Variants in COMMD10 observed in about 807,000 individuals in gnomAD.
The protein encoded by COMMD10 is COMM domain-containing protein 10.
COMMD10 carries 33 observed loss-of-function variants against 28.9 expected under a neutral mutation model. That is an observed-to-expected ratio of 1.14 (90% CI 0.87 to 1.53). COMMD10 has a LOEUF of 1.53. Among genes scored for constraint, COMMD10 ranks in the 40% most tolerant of loss-of-function variants. COMMD10 has a pLI of 0.00. For synonymous variants in COMMD10, 110 were observed against 81.7 expected, an observed-to-expected ratio of 1.35 and a Z score of -1.87; for missense variants, 310 against 233.4, an observed-to-expected ratio of 1.33 and a Z score of -2.14.
intron 4 of COMMD10, among the ~76,000 whole-genome samples, chr5:116,132,468 C>G (rs186271228): frequency 1.9e-3 from 283 of 152,240 alleles, no homozygotes; most frequent in South Asian, 0.011. Context: ...TATGCAGTGC[C>G]TAAGCATACA....
intron 5 of COMMD10, among the ~76,000 whole-genome samples, chr5:116,160,598 G>C (rs1343586264): frequency 6.6e-6 from 1 of 151,688 alleles, no homozygotes; most frequent in Non-Finnish European, 1.5e-5. Context: ...TGAAGAAAAA[G>C]CCTAAGGAAG....
At position 116,258,952 on chromosome 5, in the gene COMMD10, T is replaced by A. The variant is rs560217288; in HGVS notation, c.511-32565T>A. Among the ~76,000 whole-genome samples, 7 of 151,882 alleles carry A rather than the reference T, an allele frequency of 4.6e-5. No homozygotes were observed. The East Asian group carries it at 1.2e-3, about 25-fold the overall frequency. On this transcript the variant is annotated intron_variant, in intron 5 of 6. Coordinates refer to ENST00000274458, the MANE Select transcript of COMMD10 (RefSeq NM_016144.4). ...TTCAGTAGCTACTAGAACTTCTAGA[T>A]CTATCCTCCTTTTCTCTTACTTTAT... is the stretch of plus-strand genomic sequence containing the variant.
chr5:116,176,892 A>G (rs899400659), intron 5 of COMMD10, among the ~76,000 whole-genome samples: 9 of 152,164 alleles, frequency 5.9e-5, no homozygotes, highest in Non-Finnish European at 1.5e-5. Context: ...TAACAAACAT[A>G]CTAGGCCTGA....
At chr5:116,220,421 C>A (rs565117283) in intron 5 of COMMD10, among the ~76,000 whole-genome samples, 70 of 144,216 alleles carry the variant, frequency 4.9e-4, no homozygotes, top group African/African-American at 1.7e-3. Context: ...GTAATTCTTT[C>A]ATTCCATTTT....
chr5:116,217,877 A>G (rs920115596), intron 5 of COMMD10: 8 of 593,270 alleles, frequency 1.3e-5, no homozygotes, highest in Non-Finnish European at 1.5e-5. Context: ...TCCCCACAAA[A>G]CAACAATGAA....
chr5:116,211,198 T>G (rs1748954750), intron 5 of COMMD10, among the ~76,000 whole-genome samples: 1 of 152,094 alleles, frequency 6.6e-6, no homozygotes, highest in South Asian at 2.1e-4. Flanking sequence ...GTATATGCAG[T>G]CATGCATCAC....
intron 4 of COMMD10, among the ~76,000 whole-genome samples, chr5:116,124,089 G>A (rs1276823146): frequency 6.6e-6 from 1 of 151,956 alleles, no homozygotes; most frequent in African/African-American, 2.4e-5. Flanking sequence ...TCTGATCTTA[G>A]TTATTTCTTG....
chr5:116,250,772 G>T (rs1412521531), intron 5 of COMMD10, among the ~76,000 whole-genome samples: 4 of 151,938 alleles, frequency 2.6e-5, no homozygotes, highest in Admixed American at 2.6e-4. Context: ...CAAGGATGAA[G>T]ATACAGAGCT....
chr5:116,286,293 A>G (rs1483942884), intron 5 of COMMD10, among the ~76,000 whole-genome samples: 1 of 148,942 alleles, frequency 6.7e-6, no homozygotes, highest in East Asian at 2.0e-4. Context: ...AATTTTATTG[A>G]TCTTTTTAAA....
chr5:116,291,110 T>C (rs1370638386), intron 5 of COMMD10, among the ~76,000 whole-genome samples: 1 of 152,150 alleles, frequency 6.6e-6, no homozygotes, highest in Non-Finnish European at 1.5e-5. Context: ...ATGTGAGGCA[T>C]TAATGGCTGG....
At chr5:116,100,948 G>A (rs1367673374) in intron 4 of COMMD10, among the ~76,000 whole-genome samples, 1 of 152,016 alleles carries the variant, frequency 6.6e-6, no homozygotes, top group African/African-American at 2.4e-5. Context: ...TTACATCCAT[G>A]TGTACACATT....
chr5:116,244,879 A>G (rs1749902199), intron 5 of COMMD10, among the ~76,000 whole-genome samples: 1 of 152,090 alleles, frequency 6.6e-6, no homozygotes, highest in Admixed American at 6.6e-5. Context: ...CACAAGTTAG[A>G]AAGATCTCAA....
chr5:116,138,451 T>C (rs1354028197), intron 5 of COMMD10, among the ~76,000 whole-genome samples: 1 of 151,860 alleles, frequency 6.6e-6, no homozygotes, highest in African/African-American at 2.4e-5. Context: ...TTGATAATTT[T>C]GACTGACACC....
intron 5 of COMMD10, among the ~76,000 whole-genome samples, chr5:116,199,594 T>A (rs1446000562): frequency 6.6e-6 from 1 of 152,156 alleles, no homozygotes; most frequent in Non-Finnish European, 1.5e-5. Flanking sequence ...CAAAGTTATT[T>A]TACCATTATG....
Position 116,094,708 on chromosome 5 carries a change from A to C in COMMD10, c.399+2008A>C, listed in dbSNP as rs144839881. On this transcript the variant is annotated intron_variant, in intron 4 of 6. Transcript: ENST00000274458. ...GGAAAGGAAATCGGTATATTAAAGA[A>C]ATATTTGTACCCCTGTGTTTGTTGC... 2.7e-3 allele frequency among the ~76,000 whole-genome samples: 412 copies of C among 152,328 alleles called. 1 individual carries two copies. The highest frequency in any genetic ancestry group is 6.8e-3 in the Middle Eastern group (2 of 294).
chr5:116,190,040 A>G (rs1748300787), intron 5 of COMMD10, among the ~76,000 whole-genome samples: 1 of 152,158 alleles, frequency 6.6e-6, no homozygotes, highest in Non-Finnish European at 1.5e-5. Context: ...AGCAATCAGC[A>G]CGCTTTATCT....
In COMMD10 at chr5:116,291,577, G is replaced by A. The variant is rs779014613; in HGVS notation, c.570+1G>A. 1 of 1,530,224 alleles carries A rather than the reference G, an allele frequency of 6.5e-7. No homozygotes were observed. Among genetic ancestry groups the A allele is most frequent in the South Asian group, 1.2e-5 (1 of 81,504 alleles). 94.8% of individuals were successfully genotyped at this position (1,530,224 alleles called of 1,614,324 possible). A position where few individuals can be genotyped will look rare whatever the true frequency, so the allele number is the denominator to read the frequency against. On this transcript the variant is annotated splice_donor_variant, in intron 6 of 6. Coordinates refer to ENST00000274458, the MANE Select transcript of COMMD10 (RefSeq NM_016144.4). LOFTEE classifies it high-confidence loss of function. ...GGAGTTGTTTGATTTCTATAACAAG[G>A]TCTGTATTTTTAAAATAATTTTCTA...
At position 116,230,718 on chromosome 5, in the gene COMMD10, C is replaced by G. The variant is rs780328727; in HGVS notation, c.511-60799C>G. Among the ~76,000 whole-genome samples the G allele has an allele frequency of 3.9e-5, 6 of 152,128 alleles. No individual in the cohort carries two copies. The South Asian group carries it at 6.2e-4, about 16-fold the overall frequency. ...CCTCTTTTACCAGCCCCCACCTCAA[C>G]TATATAATTTTAAGAAAATTGATAT... On this transcript the variant is annotated intron_variant, in intron 5 of 6. Coordinates refer to ENST00000274458, the MANE Select transcript of COMMD10 (RefSeq NM_016144.4).
At chr5:116,197,476 G>C (rs576870092) in intron 5 of COMMD10, among the ~76,000 whole-genome samples, 1 of 152,098 alleles carries the variant, frequency 6.6e-6, no homozygotes, top group Non-Finnish European at 1.5e-5. Context: ...CTACCTCCTG[G>C]GCTCAAGTGA....
Sources: gnomAD v4.1 joint callset for allele counts (sites outside exome capture counted in the v4.1 genomes callset) on GRCh38, gnomAD v4.1.1 for gene constraint, MANE v1.5 for transcripts, NCBI Gene and HGNC (gene_info 2026-07-23, HGNC 2026-07-21) for gene names.